Variants in CPNE3 observed in about 807,000 individuals in gnomAD.
CPNE3 encodes the protein copine 3.
In CPNE3, 68 loss-of-function variants were observed where a neutral mutation model predicts 63.9. The ratio of observed to expected loss-of-function variants is 1.06; its 90% CI spans 0.87 to 1.30. CPNE3 has a LOEUF of 1.30. CPNE3 is among the 50% of genes most tolerant of loss of function. The pLI, the probability that CPNE3 is intolerant of heterozygous loss-of-function variation, is 0.00. For synonymous variants in CPNE3, 219 were observed against 197.5 expected (o/e 1.11, Z -0.91); for missense variants, 665 against 578.1 (o/e 1.15, Z -1.54).
At chr8:86,552,233 A>G (rs1341397640) in intron 14 of CPNE3, among the ~76,000 whole-genome samples, 1 of 152,174 alleles carries the variant, frequency 6.6e-6, no homozygotes, top group East Asian at 1.9e-4. Flanking sequence ...CCTAAACAAT[A>G]TTCATAAGGT....
At chr8:86,541,378 A>C (rs1449825564) in intron 8 of CPNE3, among the ~76,000 whole-genome samples, 3 of 152,168 alleles carry the variant, frequency 2.0e-5, no homozygotes, top group Non-Finnish European at 4.4e-5. Flanking sequence ...GTTTTGTAAA[A>C]ATTTTGTAGA....
At chr8:86,540,792 A>G (rs1820919255) in intron 8 of CPNE3, among the ~76,000 whole-genome samples, 1 of 152,184 alleles carries the variant, frequency 6.6e-6, no homozygotes, top group African/African-American at 2.4e-5. Context: ...TATTTTCAGA[A>G]TGAGATAAGT....
rs1234178954 is a variant in CPNE3 at position 86,551,183 on chromosome 8, G to C, written c.1069G>C (p.Val357Leu). 9.3e-6 allele frequency: 15 copies of C among 1,613,008 alleles called. No homozygotes were observed. Among genetic ancestry groups the C allele is most frequent in the Non-Finnish European group, 1.3e-5 (15 of 1,179,066 alleles). Residue 357 changes from valine (V) to leucine (L), a missense_variant and splice_region_variant, in exon 14 of 17, where the codon GTA (valine) becomes CTA (leucine). Coordinates refer to ENST00000517490, the MANE Select transcript of CPNE3 (RefSeq NM_003909.5). ...FGAQIPPQWQ[V>L]SHEFPMNFNP... ...TCAGTCCTTTGTCCATCTTTGACAG[G>C]TATCACATGAATTTCCAATGAACTT...
chr8:86,528,204 C>T (rs1820582345), intron 2 of CPNE3, among the ~76,000 whole-genome samples: 1 of 152,030 alleles, frequency 6.6e-6, no homozygotes, highest in African/African-American at 2.4e-5. Context: ...TCTGCCTCAG[C>T]CTCCCAAAGT....
chr8:86,522,945 A>G (rs1021032636), intron 2 of CPNE3, among the ~76,000 whole-genome samples: 3 of 152,176 alleles, frequency 2.0e-5, no homozygotes, highest in Admixed American at 1.3e-4. Context: ...TCTATACTCA[A>G]GGCTGACTAT....
At chr8:86,521,103 A>G (rs1378536470) in intron 2 of CPNE3, among the ~76,000 whole-genome samples, 2 of 152,100 alleles carry the variant, frequency 1.3e-5, no homozygotes, top group Non-Finnish European at 2.9e-5. Context: ...TGAGTTTTTT[A>G]CTCTCAGAGT....
intron 2 of CPNE3, among the ~76,000 whole-genome samples, chr8:86,526,074 T>C (rs2131434789): frequency 6.6e-6 from 1 of 152,204 alleles, no homozygotes; most frequent in Non-Finnish European, 1.5e-5. Flanking sequence ...AAGTGCCAGA[T>C]GGAGGGTTCA....
Position 86,528,555 on chromosome 8 carries a change from C to A in CPNE3, c.10C>A (p.Gln4Lys). The A allele has an allele frequency of 6.2e-7, 1 of 1,613,616 alleles. No homozygotes were observed. Among genetic ancestry groups the A allele is most frequent in the Non-Finnish European group, 8.5e-7 (1 of 1,179,876 alleles). ...TCTCAGAACTCAAGACATGGCTGCC[C>A]AGTGTGTCACAAAGGTGGCGCTGAA... Reference protein sequence around the residue: MAAQCVTKVALNVS... With the variant: MAAKCVTKVALNVS... Residue 4 changes from glutamine (Q) to lysine (K), a missense_variant, in exon 3 of 17, where the codon CAG becomes AAG. By Grantham distance (53) the Gln-to-Lys change is moderately conservative. Coordinates refer to ENST00000517490, the MANE Select transcript of CPNE3 (RefSeq NM_003909.5).
chr8:86,522,524 A>G (rs1820456071), intron 2 of CPNE3, among the ~76,000 whole-genome samples: 1 of 141,888 alleles, frequency 7.0e-6, no homozygotes, highest in East Asian at 2.1e-4. Flanking sequence ...TTGGATTTAC[A>G]GCCATATTAC....
chr8:86,534,082 C>A (rs1012849288), intron 6 of CPNE3, among the ~76,000 whole-genome samples: 4 of 151,848 alleles, frequency 2.6e-5, no homozygotes, highest in African/African-American at 4.8e-5. Context: ...ATTATAATTA[C>A]AAGACTCCAT....
At position 86,520,331 on chromosome 8, in the gene CPNE3, G is replaced by A. The variant is rs185873508; in HGVS notation, c.-11+4832G>A. ...AGGCCAAGGTGGGCAGATTACAGGCGGATTACCTGAAGTCAGGAGTTCGAG... is the reference window on the plus strand; with the variant it reads ...AGGCCAAGGTGGGCAGATTACAGGCAGATTACCTGAAGTCAGGAGTTCGAG... On this transcript the variant is annotated intron_variant, in intron 2 of 16. Transcript: ENST00000517490. Among the ~76,000 whole-genome samples, 1,047 of 152,130 alleles carry A rather than the reference G, an allele frequency of 6.9e-3. 16 individuals carry two copies. The highest frequency in any genetic ancestry group is 0.023 in the African/African-American group (940 of 41,520).
chr8:86,523,008 C>G (rs1820468429), intron 2 of CPNE3, among the ~76,000 whole-genome samples: 1 of 152,182 alleles, frequency 6.6e-6, no homozygotes, highest in Admixed American at 6.5e-5. Flanking sequence ...TTTCAAGAAG[C>G]TTTTCATAAG....
intron 14 of CPNE3, among the ~76,000 whole-genome samples, chr8:86,553,814 T>C (rs377258321): frequency 2.0e-5 from 3 of 152,006 alleles, no homozygotes; most frequent in African/African-American, 7.3e-5. Context: ...GGAAATTCTT[T>C]AGAATTTCTG....
intron 14 of CPNE3, among the ~76,000 whole-genome samples, chr8:86,553,574 G>A (rs1821241053): frequency 6.6e-6 from 1 of 152,054 alleles, no homozygotes; most frequent in Admixed American, 6.6e-5. Context: ...TACCATCTAG[G>A]TTTGTGTAAG....
chr8:86,556,274 C>T lies in CPNE3; in HGVS notation c.1427C>T (p.Ser476Phe), dbSNP rs778618079. The T allele has an allele frequency of 1.1e-6, 1 of 873,018 alleles. No homozygotes were observed. Among genetic ancestry groups the T allele is most frequent in the Non-Finnish European group, 2.0e-6 (1 of 501,696 alleles). 54.1% of individuals were successfully genotyped at this position (873,018 alleles called of 1,614,324 possible). A position where few individuals can be genotyped will look rare whatever the true frequency, so the allele number is the denominator to read the frequency against. Residue 476 changes from serine to phenylalanine, a missense_variant, in exon 16 of 17, where the codon TCC becomes TTC. By Grantham distance (155) the Ser-to-Phe change is radical (BLOSUM62 -2). Coordinates refer to ENST00000517490, the MANE Select transcript of CPNE3 (RefSeq NM_003909.5). ...FLDGDGGSLR[S>F]PLGEVAIRDI... is the part of the protein sequence containing the mutation. ...GATGGTGATGGTGGAAGTCTCCGCTCCCCATTGGGCGAAGTGGCCATCAGA... is the reference window on the plus strand; with the variant it reads ...GATGGTGATGGTGGAAGTCTCCGCTTCCCATTGGGCGAAGTGGCCATCAGA...
At chr8:86,528,738 T>A in intron 3 of CPNE3, 61 bp downstream of exon 3, 1 of 1,528,016 alleles carries the variant, frequency 6.5e-7, no homozygotes, top group South Asian at 1.3e-5. Context: ...ATGTGAAGAG[T>A]TTTTTTAATG....
intron 9 of CPNE3, among the ~76,000 whole-genome samples, chr8:86,545,809 G>A (rs909570341): frequency 6.6e-6 from 1 of 152,064 alleles, no homozygotes; most frequent in African/African-American, 2.4e-5. Context: ...AGAATTTGAA[G>A]GTATAAGTTG....
At chr8:86,528,896 G>C (rs762677732) in intron 3 of CPNE3, 49 bp from the exon 4 acceptor site, 2 of 1,507,998 alleles carry the variant, frequency 1.3e-6, no homozygotes, top group Non-Finnish European at 9.0e-7. Context: ...GAAAATCCAA[G>C]TGCACCTTTG....
At chr8:86,554,723 C>A in intron 14 of CPNE3, 128 bp from the exon 15 acceptor site, 2 of 1,107,868 alleles carry the variant, frequency 1.8e-6, no homozygotes, top group South Asian at 1.6e-5. Flanking sequence ...GGAACTACTG[C>A]TTATAGAACT....
Sources: gnomAD v4.1 joint callset for allele counts (sites outside exome capture counted in the v4.1 genomes callset) on GRCh38, gnomAD v4.1.1 for gene constraint, MANE v1.5 for transcripts, NCBI Gene and HGNC (gene_info 2026-07-23, HGNC 2026-07-21) for gene names.